FGF12: variants seen among roughly 807,000 people sequenced by gnomAD.
The protein encoded by FGF12 is fibroblast growth factor 12.
In FGF12, 14 loss-of-function variants were observed where a neutral mutation model predicts 23.6. The ratio of observed to expected loss-of-function variants is 0.59; its 90% CI spans 0.39 to 0.93. The LOEUF (loss-of-function observed/expected upper bound fraction) is 0.93. FGF12 is among the 40% of genes least tolerant of loss of function. The pLI, the probability that FGF12 is intolerant of heterozygous loss-of-function variation, is 0.00. For missense variants in FGF12, 175 were observed against 217.8 expected, an observed-to-expected ratio of 0.80 and a Z score of 1.24; for synonymous variants, 62 against 77.3, an observed-to-expected ratio of 0.80 and a Z score of 1.04.
At chr3:192,161,001 C>G (rs1160408300) in intron 5 of FGF12, among the ~76,000 whole-genome samples, 3 of 151,970 alleles carry the variant, frequency 2.0e-5, no homozygotes, top group African/African-American at 7.2e-5. Flanking sequence ...AAATAATAAG[C>G]CTCATCTTCA....
At position 192,688,541 on chromosome 3, in the gene FGF12, T is replaced by C. The variant is rs367834404; in HGVS notation, c.13+38640A>G. On this transcript the variant is annotated intron_variant, in intron 2 of 5. Transcript: ENST00000445105. ...ACTTCTAATAAGTGACCTTAAAGAA[T>C]TGGACATTGTCTATGGCCATACCAC... Among the ~76,000 whole-genome samples, 21 of 152,318 alleles carry C rather than the reference T, an allele frequency of 1.4e-4. 1 individual carries two copies. Among genetic ancestry groups the C allele is most frequent in the African/African-American group, 3.8e-4 (16 of 41,566 alleles).
In FGF12 at chr3:192,162,239, GTTACAT is replaced by G. The variant is rs1272047664; in HGVS notation, c.427+8213_427+8218del. ...AAAGCAATTTCACACCTGAATTAAT[GTTACAT>G]GGGATCCTTTTGGAACTCTGGGAGA... On this transcript the variant is annotated intron_variant, in intron 5 of 5. Transcript: ENST00000445105. Among the ~76,000 whole-genome samples, 11 of 152,172 alleles carry G rather than the reference GTTACAT, an allele frequency of 7.2e-5. No homozygotes were observed. In the South Asian group the frequency reaches 2.1e-3, roughly 29 times the overall value.
At chr3:192,651,611 T>C (rs1448861616) in intron 2 of FGF12, among the ~76,000 whole-genome samples, 2 of 152,248 alleles carry the variant, frequency 1.3e-5, no homozygotes, top group Non-Finnish European at 2.9e-5. Flanking sequence ...AAAGCATTTA[T>C]TCTAGTTCAT....
At position 192,143,916 on chromosome 3, in the gene FGF12, C is replaced by A; in HGVS notation, c.*93G>T. 1.3e-6 allele frequency: 1 copy of A among 792,606 alleles called. No individual in the cohort carries two copies. The highest frequency in any genetic ancestry group is 1.6e-5 in the South Asian group (1 of 63,058). The allele number at this position is 792,606 out of a possible 1,614,324, so 49.1% of individuals were successfully genotyped here. A position where few individuals can be genotyped will look rare whatever the true frequency, so the allele number is the denominator to read the frequency against. On this transcript the variant is annotated 3_prime_UTR_variant, in exon 6 of 6. Transcript: ENST00000445105. The stretch of plus-strand genomic sequence containing the variant: ...GGTCTTGCGTTGTCATTTTATTTTC[C>A]TCTCCTTGGGTGGATTTACTGGAAG...
chr3:192,296,516 G>C (rs879500370), intron 4 of FGF12, among the ~76,000 whole-genome samples: 1 of 152,188 alleles, frequency 6.6e-6, no homozygotes, highest in African/African-American at 2.4e-5. Context: ...GAGACACTGT[G>C]CCCAGCCTCA....
rs71177351 is a variant in FGF12, at chr3:192,169,835, G to GAAA, written c.427+620_427+622dup. On this transcript the variant is annotated intron_variant, in intron 5 of 5. Transcript: ENST00000445105. The stretch of plus-strand genomic sequence containing the variant: ...TAGCTGCCAAAAATCGGTTTCCTCA[G>GAAA]AAAAAAAAAAACAAAAAAGTTTATT... Among the ~76,000 whole-genome samples, 29 of 139,750 alleles carry GAAA rather than the reference G, an allele frequency of 2.1e-4. No individual in the cohort carries two copies. In the South Asian group the frequency reaches 2.3e-3, roughly 11 times the overall value. The allele number at this position is 139,750 out of a possible 152,430, so 91.7% of individuals were successfully genotyped here. A position where few individuals can be genotyped will look rare whatever the true frequency, so the allele number is the denominator to read the frequency against.
chr3:192,305,679 A>AAATATATATATATATATTTAT (rs1423738741), intron 4 of FGF12, among the ~76,000 whole-genome samples: 1 of 131,936 alleles, frequency 7.6e-6, no homozygotes, highest in Non-Finnish European at 1.6e-5. Flanking sequence ...AAAAAAAAAA[A>AAATATATATATATATATTTAT]ATATATATAT....
intron 2 of FGF12, among the ~76,000 whole-genome samples, chr3:192,707,497 C>G (rs900181441): frequency 1.1e-4 from 16 of 152,104 alleles, no homozygotes; most frequent in African/African-American, 3.9e-4. Context: ...CCTGTAATCC[C>G]AGCACTTTGG....
At chr3:192,666,851 G>A (rs1716888472) in intron 2 of FGF12, among the ~76,000 whole-genome samples, 1 of 152,038 alleles carries the variant, frequency 6.6e-6, no homozygotes, top group South Asian at 2.1e-4. Context: ...CCAACAATAT[G>A]ATTGACACTA....
chr3:192,389,598 A>G (rs933162908), intron 2 of FGF12, among the ~76,000 whole-genome samples: 9 of 152,228 alleles, frequency 5.9e-5, no homozygotes, highest in African/African-American at 2.2e-4. Context: ...ATTTAGATCA[A>G]CTCAACTTTA....
intron 4 of FGF12, among the ~76,000 whole-genome samples, chr3:192,330,585 C>A (rs963279949): frequency 2.0e-5 from 3 of 152,126 alleles, no homozygotes; most frequent in African/African-American, 4.8e-5. Context: ...GATTACAAAT[C>A]TCTGCATAAG....
chr3:192,424,903 C>A (rs1721646999), intron 2 of FGF12, among the ~76,000 whole-genome samples: 1 of 152,040 alleles, frequency 6.6e-6, no homozygotes. Context: ...TATGCATATA[C>A]AATATACATA....
chr3:192,331,771 A>T (rs1717137136), intron 4 of FGF12, among the ~76,000 whole-genome samples: 1 of 152,078 alleles, frequency 6.6e-6, no homozygotes, highest in Non-Finnish European at 1.5e-5. Context: ...GTCTGTAGAG[A>T]TTACCTACAA....
chr3:192,451,123 G>A (rs1722508291), intron 2 of FGF12, among the ~76,000 whole-genome samples: 1 of 152,146 alleles, frequency 6.6e-6, no homozygotes, highest in Non-Finnish European at 1.5e-5. Flanking sequence ...GTTACTCTGG[G>A]ACAAGAATTA....
At position 192,408,218 on chromosome 3, in the gene FGF12, A is replaced by G; in HGVS notation, c.14-47680T>C. 6.2e-7 allele frequency: 1 copy of G among 1,600,206 alleles called. No homozygotes were observed. The highest frequency in any genetic ancestry group is 1.1e-5 in the South Asian group (1 of 90,734). On this transcript the variant is annotated intron_variant, in intron 2 of 5. Transcript: ENST00000445105. The surrounding 1 kb of genome is among the most constrained non-coding windows in gnomAD (Gnocchi z 7.3). ...GGATCAAGGAGCTGGCTATCGCCGC[A>G]GCCATAGCTGCTCAGCGAGGGCCTC...
intron 2 of FGF12, among the ~76,000 whole-genome samples, chr3:192,676,003 T>C (rs938063077): frequency 2.0e-5 from 3 of 152,144 alleles, no homozygotes; most frequent in Admixed American, 6.5e-5. Context: ...CAACTGAAAC[T>C]GGAGAGACAC....
At chr3:192,454,858 A>G (rs1040490539) in intron 2 of FGF12, among the ~76,000 whole-genome samples, 2 of 152,220 alleles carry the variant, frequency 1.3e-5, no homozygotes, top group Non-Finnish European at 2.9e-5. Flanking sequence ...CAGACAATCA[A>G]TTGTGAGCTC....
chr3:192,474,490 T>C (rs1723261855), intron 2 of FGF12, among the ~76,000 whole-genome samples: 2 of 152,272 alleles, frequency 1.3e-5, no homozygotes, highest in East Asian at 3.9e-4. Context: ...GATGATAGAG[T>C]CCTTCCTTGA....
intron 4 of FGF12, among the ~76,000 whole-genome samples, chr3:192,178,117 G>T (rs896435929): frequency 6.6e-6 from 1 of 152,002 alleles, no homozygotes; most frequent in African/African-American, 2.4e-5. Flanking sequence ...AATGGGAAAG[G>T]CCTCTTTCTT....
Sources: gnomAD v4.1 joint callset for allele counts (sites outside exome capture counted in the v4.1 genomes callset) on GRCh38, gnomAD v4.1.1 for gene constraint, Gnocchi (gnomAD v3.1) non-coding constraint, MANE v1.5 for transcripts, NCBI Gene and HGNC (gene_info 2026-07-23, HGNC 2026-07-21) for gene names.